ADTRP: variants seen among roughly 807,000 people sequenced by gnomAD.
ADTRP encodes the protein androgen-dependent TFPI-regulating protein.
A neutral mutation model predicts 27.0 loss-of-function variants in ADTRP; 20 were observed. The observed-to-expected ratio is 0.74, with a 90% CI of 0.52 to 1.08. The LOEUF is 1.08. ADTRP is among the 50% of genes least tolerant of loss of function. The pLI, the probability that ADTRP is intolerant of heterozygous loss-of-function variation, is 0.00. For missense variants in ADTRP, 251 were observed against 275.0 expected (o/e 0.91, Z 0.62); for synonymous variants, 101 against 105.2 (o/e 0.96, Z 0.25).
At chr6:11,734,169 T>C (rs1762472455) in intron 4 of ADTRP, among the ~76,000 whole-genome samples, 1 of 152,370 alleles carries the variant, frequency 6.6e-6, no homozygotes, top group East Asian at 1.9e-4. Context: ...AAAATCTTTA[T>C]GTGTCTATAC....
At chr6:11,757,654 A>G (rs1763256594) in intron 3 of ADTRP, among the ~76,000 whole-genome samples, 1 of 152,226 alleles carries the variant, frequency 6.6e-6, no homozygotes, top group African/African-American at 2.4e-5. Flanking sequence ...GAAGAGGCAC[A>G]GAGGCACATA....
intron 2 of ADTRP, 22 bp downstream of exon 2, chr6:11,768,227 T>C: frequency 1.9e-6 from 3 of 1,613,812 alleles, no homozygotes; most frequent in South Asian, 1.1e-5. Context: ...TGTTAGATTA[T>C]GTACACATCT....
At chr6:11,734,964 A>G (rs1240024568) in intron 4 of ADTRP, among the ~76,000 whole-genome samples, 1 of 152,194 alleles carries the variant, frequency 6.6e-6, no homozygotes, top group East Asian at 1.9e-4. Context: ...ACTGGGTGAA[A>G]GGCCAAGCAC....
chr6:11,732,255 G>A (rs1221586463), intron 4 of ADTRP, among the ~76,000 whole-genome samples: 1 of 152,176 alleles, frequency 6.6e-6, no homozygotes. Context: ...GCGGTGAAAT[G>A]CTTCTCCAGC....
At chr6:11,774,311 A>AAAATAAATAAATAAAT (rs140361069) in intron 1 of ADTRP, among the ~76,000 whole-genome samples, 39,509 of 144,362 alleles carry the variant, frequency 0.27, 6,080 homozygotes, top group Non-Finnish European at 0.34. Context: ...TTCCATCTCA[A>AAAATAAATAAATAAAT]AAATAAATAA....
At chr6:11,754,231 C>G (rs535373360) in intron 3 of ADTRP, among the ~76,000 whole-genome samples, 1 of 152,226 alleles carries the variant, frequency 6.6e-6, no homozygotes, top group South Asian at 2.1e-4. Context: ...TTCTTGTCCT[C>G]ATTTCTGCAC....
intron 3 of ADTRP, among the ~76,000 whole-genome samples, chr6:11,752,859 G>A (rs1763101150): frequency 1.3e-5 from 2 of 152,282 alleles, no homozygotes; most frequent in South Asian, 2.1e-4. Flanking sequence ...CCCCTGCAAC[G>A]CAGAGGAGAA....
In ADTRP at chr6:11,741,145, C is replaced by T. The variant is rs533947455; in HGVS notation, c.391-5462G>A. ...AGAGCCACTGACTTCTCTTTGATCT[C>T]CACTGTCAACCTAGGTGGGCTATCA... On this transcript the variant is annotated intron_variant, in intron 3 of 5. Coordinates refer to ENST00000414691, the MANE Select transcript of ADTRP (RefSeq NM_032744.4). Among the ~76,000 whole-genome samples the T allele has an allele frequency of 2.6e-5, 4 of 152,304 alleles. No individual in the cohort carries two copies. The South Asian group carries it at 8.3e-4, about 32-fold the overall frequency.
intron 3 of ADTRP, among the ~76,000 whole-genome samples, chr6:11,759,496 C>CT (rs531291278): frequency 0.013 from 1,944 of 150,486 alleles, 20 homozygotes; most frequent in South Asian, 0.033. Context: ...AACTGCAAAA[C>CT]TTTTTTTTTT....
chr6:11,726,497 A>T (rs954342228), intron 4 of ADTRP, among the ~76,000 whole-genome samples: 1 of 151,998 alleles, frequency 6.6e-6, no homozygotes, highest in Non-Finnish European at 1.5e-5. Context: ...ACACGTGTCC[A>T]TTTCCCCTTT....
intron 4 of ADTRP, among the ~76,000 whole-genome samples, chr6:11,732,746 G>A (rs925353564): frequency 2.0e-5 from 3 of 152,046 alleles, no homozygotes; most frequent in Admixed American, 2.0e-4. Context: ...CGTTCCTGCT[G>A]GTGACAGGTC....
rs2743952 is a variant in ADTRP, at chr6:11,741,680, C to T, written c.391-5997G>A. Among the ~76,000 whole-genome samples, 940 of 150,810 alleles carry T rather than the reference C, an allele frequency of 6.2e-3. 27 individuals are homozygous for T. Among genetic ancestry groups the T allele is most frequent in the Admixed American group, 0.045 (674 of 15,104 alleles). ...GAAGGAATCCAGCCTGGTGAAGAAG[C>T]GACAATTTGGATTCTATCCAGTTAA... On this transcript the variant is annotated intron_variant, in intron 3 of 5. Transcript: ENST00000414691.
intron 3 of ADTRP, among the ~76,000 whole-genome samples, chr6:11,754,597 T>A (rs1763156564): frequency 6.6e-6 from 1 of 152,178 alleles, no homozygotes; most frequent in Non-Finnish European, 1.5e-5. Context: ...TGGCTGGTAA[T>A]CCAAGGACCT....
chr6:11,776,148 C>T (rs1310375588), intron 1 of ADTRP, among the ~76,000 whole-genome samples: 1 of 152,188 alleles, frequency 6.6e-6, no homozygotes, highest in Non-Finnish European at 1.5e-5. Context: ...TACACTCAAC[C>T]CATCTTCACC....
At chr6:11,769,728 T>TAA (rs370650765) in intron 1 of ADTRP, among the ~76,000 whole-genome samples, 2 of 141,616 alleles carry the variant, frequency 1.4e-5, no homozygotes, top group African/African-American at 5.2e-5. Flanking sequence ...AAATAAAAGT[T>TAA]AAAAAAAAAA....
At chr6:11,763,713 A>G (rs1227008783) in intron 3 of ADTRP, among the ~76,000 whole-genome samples, 1 of 152,262 alleles carries the variant, frequency 6.6e-6, no homozygotes, top group Non-Finnish European at 1.5e-5. Flanking sequence ...AGTATTTAAG[A>G]ACTTGGCAGA....
intron 3 of ADTRP, among the ~76,000 whole-genome samples, chr6:11,746,790 C>T (rs1034052527): frequency 1.4e-4 from 22 of 152,210 alleles, no homozygotes; most frequent in African/African-American, 5.3e-4. Context: ...AGGCGCTTGC[C>T]CCTTGTGTTT....
chr6:11,715,806 C>CTTTTTTTTTTTTT (rs55961408), intron 5 of ADTRP, among the ~76,000 whole-genome samples: 25 of 77,728 alleles, frequency 3.2e-4, no homozygotes, highest in Non-Finnish European at 4.2e-4. Context: ...CCATGCCCAG[C>CTTTTTTTTTTTTT]TTTTTTTTTT....
intron 1 of ADTRP, among the ~76,000 whole-genome samples, chr6:11,775,838 C>T (rs979394822): frequency 6.6e-6 from 1 of 152,190 alleles, no homozygotes; most frequent in African/African-American, 2.4e-5. Context: ...AAATGATACT[C>T]AGCCAATTAG....
Sources: allele counts gnomAD v4.1 joint callset (sites outside exome capture counted in the v4.1 genomes callset), GRCh38; gene constraint gnomAD v4.1.1; transcripts MANE v1.5; gene names NCBI Gene and HGNC (gene_info 2026-07-23, HGNC 2026-07-21).